The following REPS2 variants were observed in gnomAD, a reference collection of about 807,000 sequenced individuals.
REPS2 encodes the protein ralBP1-associated Eps domain-containing protein 2.
REPS2 carries 23 observed loss-of-function variants against 53.6 expected under a neutral mutation model. The ratio of observed to expected loss-of-function variants is 0.43; its 90% CI spans 0.31 to 0.61. The LOEUF (loss-of-function observed/expected upper bound fraction) is 0.61, where lower values mean the gene tolerates loss of function less well. REPS2 is among the 20% of genes least tolerant of loss of function. REPS2 has a pLI of 0.11. For synonymous variants in REPS2, 238 were observed against 218.6 expected, an observed-to-expected ratio of 1.09 and a Z score of -0.78; for missense variants, 446 against 534.9, an observed-to-expected ratio of 0.83 and a Z score of 1.64.
In REPS2 at chrX:16,947,030, C is replaced by T; in HGVS notation, c.169C>T (p.Pro57Ser). ...CGCGGGCGGGGGCCCCGGGTCTGGG[C>T]CCCCCGAGGCCGCCAGAGTCGCCCC... ...GAAGGGPGSGPPEAARVAPGT... is the reference protein window; with the variant it reads ...GAAGGGPGSGSPEAARVAPGT... Residue 57 changes from proline (P) to serine (S), a missense_variant, in exon 1 of 18, where the codon CCC becomes TCC. Coordinates refer to ENST00000357277, the MANE Select transcript of REPS2 (RefSeq NM_004726.3). The T allele has an allele frequency of 2.0e-6, 2 of 979,390 alleles. No individual in the cohort carries two copies. Among genetic ancestry groups the T allele is most frequent in the South Asian group, 3.7e-5 (1 of 26,985 alleles). 80.7% of individuals were successfully genotyped at this position (979,390 alleles called of 1,213,427 possible).
chrX:17,147,141 A>C (rs1374881579), intron 17 of REPS2, among the ~76,000 whole-genome samples: 1 of 111,825 alleles, frequency 8.9e-6, no homozygotes, highest in Non-Finnish European at 1.9e-5. Flanking sequence ...TTGTCAAAAC[A>C]GGCTAAAACT....
intron 14 of REPS2, among the ~76,000 whole-genome samples, chrX:17,115,191 AT>A (rs1395521431): frequency 8.9e-6 from 1 of 112,203 alleles, no homozygotes; most frequent in Non-Finnish European, 1.9e-5. Flanking sequence ...TTTATTGATC[AT>A]TTTTGGGTGT....
At chrX:16,993,834 G>C (rs1248556051) in intron 1 of REPS2, among the ~76,000 whole-genome samples, 1 of 112,780 alleles carries the variant, frequency 8.9e-6, no homozygotes, top group African/African-American at 3.2e-5. Flanking sequence ...TAAAACCCAG[G>C]ATTCTTAGTA....
rs1054225696 is a variant in REPS2 at position 17,130,545 on chromosome X, A to T, written c.1579-3279A>T. ...GACTGGGTGCTTCTGTATTCCCCAT[A>T]CTTGCCCTCCACAGTCCACTGAAGC... is the stretch of plus-strand genomic sequence containing the variant. On this transcript the variant is annotated intron_variant, in intron 14 of 17. Coordinates refer to ENST00000357277, the MANE Select transcript of REPS2 (RefSeq NM_004726.3). Among the ~76,000 whole-genome samples, 3 of 111,189 alleles carry T rather than the reference A, an allele frequency of 2.7e-5. No homozygotes were observed. The East Asian group carries it at 8.5e-4, about 31-fold the overall frequency.
At chrX:17,117,032 C>CGTACT (rs2063064990) in intron 14 of REPS2, among the ~76,000 whole-genome samples, 1 of 111,814 alleles carries the variant, frequency 8.9e-6, no homozygotes, top group Admixed American at 9.5e-5. Flanking sequence ...AAATACAGTA[C>CGTACT]TTCCATCTGG....
chrX:16,999,056 A>T (rs1374233269), intron 1 of REPS2, among the ~76,000 whole-genome samples: 2 of 112,356 alleles, frequency 1.8e-5, no homozygotes, highest in African/African-American at 6.5e-5. Context: ...TTTTCAAAGT[A>T]TGATGGACAG....
chrX:17,067,049 G>A (rs1390253353), intron 9 of REPS2, among the ~76,000 whole-genome samples: 1 of 111,822 alleles, frequency 8.9e-6, no homozygotes, highest in Non-Finnish European at 1.9e-5. Context: ...GATGGCTCCA[G>A]GCATTTACTC....
chrX:17,115,261 A>G (rs1211681281), intron 14 of REPS2, among the ~76,000 whole-genome samples: 12 of 106,597 alleles, frequency 1.1e-4, no homozygotes, highest in African/African-American at 3.3e-4. Flanking sequence ...AGGTCAGCAG[A>G]TAAACACGTG....
At chrX:17,020,877 C>T (rs1418488546) in intron 2 of REPS2, among the ~76,000 whole-genome samples, 1 of 111,408 alleles carries the variant, frequency 9.0e-6, no homozygotes, top group East Asian at 2.8e-4. Context: ...GAGGTCCACC[C>T]GCCTCCGCCT....
intron 13 of REPS2, among the ~76,000 whole-genome samples, chrX:17,081,057 G>A (rs1181568678): frequency 9.0e-6 from 1 of 111,060 alleles, no homozygotes; most frequent in African/African-American, 3.3e-5. Flanking sequence ...CCCTGTTTAT[G>A]ACAATAGAAG....
chrX:16,950,782 C>T (rs76039030), intron 1 of REPS2, among the ~76,000 whole-genome samples: 2,825 of 112,750 alleles, frequency 0.025, 175 homozygotes, highest in East Asian at 0.21. Context: ...GGTGCTGTGG[C>T]GCACGCCTGT....
intron 13 of REPS2, among the ~76,000 whole-genome samples, chrX:17,078,866 T>C (rs748931598): frequency 5.4e-5 from 6 of 112,138 alleles, no homozygotes; most frequent in African/African-American, 9.7e-5. Flanking sequence ...ACTGTTTGAT[T>C]TTCAGCAAGT....
intron 1 of REPS2, among the ~76,000 whole-genome samples, chrX:16,974,320 A>G (rs753422926): frequency 9.0e-6 from 1 of 111,248 alleles, no homozygotes; most frequent in Admixed American, 9.6e-5. Flanking sequence ...CATTTTGAAC[A>G]ATGACAAATT....
chrX:16,996,743 A>G (rs2061239420), intron 1 of REPS2, among the ~76,000 whole-genome samples: 1 of 112,105 alleles, frequency 8.9e-6, no homozygotes, highest in Non-Finnish European at 1.9e-5. Context: ...TTCCATTCAC[A>G]TTCATTCCTC....
In REPS2 at chrX:17,022,151, A is replaced by G. The variant is rs1217933249; in HGVS notation, c.426A>G (p.Ser142=). 8.3e-7 allele frequency: 1 copy of G among 1,210,127 alleles called. No homozygotes were observed. Among genetic ancestry groups the G allele is most frequent in the Non-Finnish European group, 1.1e-6 (1 of 894,195 alleles). The change falls in exon 3 of 18, where the codon TCA becomes TCG. Residue 142 remains serine (S), a synonymous_variant. Coordinates refer to ENST00000357277, the MANE Select transcript of REPS2 (RefSeq NM_004726.3). ...CELPLPRFMM[S]KNDGEIRFGN... ...TGCCTCTGCCTCGCTTTATGATGTC[A>G]AAGAATGATGGTGAGATACGATTTG...
intron 1 of REPS2, among the ~76,000 whole-genome samples, chrX:16,965,979 G>A (rs751955801): frequency 5.3e-5 from 6 of 112,543 alleles, no homozygotes; most frequent in East Asian, 5.6e-4. Context: ...GCGTGGCGGC[G>A]CGCGCCTGCA....
At position 17,016,543 on chromosome X, in the gene REPS2, G is replaced by C. The variant is rs1403643338; in HGVS notation, c.398-5580G>C. ...TCCTGCTTCAGCCTCCTGAGTAGCT[G>C]GGACTACAGGCCTGTGCCACCACGC... On this transcript the variant is annotated intron_variant, in intron 2 of 17. Transcript: ENST00000357277. Among the ~76,000 whole-genome samples the C allele has an allele frequency of 3.6e-5, 4 of 111,472 alleles. No homozygotes were observed. The Admixed American group carries it at 3.8e-4, about 11-fold the overall frequency.
the REPS2 span, among the ~76,000 whole-genome samples, chrX:17,159,608 C>G: frequency 8.9e-6 from 1 of 111,764 alleles, no homozygotes; most frequent in Non-Finnish European, 1.9e-5. Context: ...CTGTGCCTCA[C>G]TCCATCATCT....
At chrX:17,182,623 G>A in the REPS2 span, among the ~76,000 whole-genome samples, 3 of 112,032 alleles carry the variant, frequency 2.7e-5, no homozygotes, top group Non-Finnish European at 5.6e-5. Flanking sequence ...ATTAGGAAGG[G>A]AGTGCTGAAT....
Sources: allele counts gnomAD v4.1 joint callset (sites outside exome capture counted in the v4.1 genomes callset), GRCh38; gene constraint gnomAD v4.1.1; transcripts MANE v1.5; gene names NCBI Gene and HGNC (gene_info 2026-07-23, HGNC 2026-07-21).